The following CGNL1 variants were observed in gnomAD, a reference collection of about 807,000 sequenced individuals.
CGNL1 encodes the protein cingulin-like protein 1.
CGNL1 carries 132 observed loss-of-function variants against 141.2 expected under a neutral mutation model. The observed-to-expected ratio is 0.93, with a 90% CI of 0.81 to 1.08. The LOEUF is 1.08. Ranked by LOEUF, CGNL1 falls within the 50% of genes least tolerant of loss-of-function variation. The probability of loss-of-function intolerance (pLI) is 0.00; values close to 1 mark genes in which losing one functional copy is unlikely to be tolerated. For missense variants in CGNL1, 1,870 were observed against 1,588.6 expected (o/e 1.18, Z -3.01); for synonymous variants, 690 against 622.1 (o/e 1.11, Z -1.63).
rs534734986 is a variant in CGNL1 at position 57,517,620 on chromosome 15, C to T, written c.2610+634C>T. Among the ~76,000 whole-genome samples the T allele has an allele frequency of 4.6e-5, 7 of 152,282 alleles. No individual in the cohort carries two copies. In the South Asian group the frequency reaches 1.2e-3, roughly 27 times the overall value. On this transcript the variant is annotated intron_variant, in intron 9 of 18. Transcript: ENST00000281282. ...GAGAAGTCTAATATTAAGGTGCCAG[C>T]CTCTAGCGAGGGCCGTCCTTCTGTG...
At position 57,411,973 on chromosome 15, in the gene CGNL1, T is replaced by C. The variant is rs2062793622; in HGVS notation, c.-15-26012T>C. On this transcript the variant is annotated intron_variant, in intron 1 of 18. Coordinates refer to ENST00000281282, the MANE Select transcript of CGNL1 (RefSeq NM_032866.5). ...CATCAGCGCTCATATTTTCTGTGTT[T>C]GCTGTCGATTATCTAGCATTCAAAG... Among the ~76,000 whole-genome samples the C allele has an allele frequency of 2.6e-5, 4 of 152,362 alleles. No homozygotes were observed. In the South Asian group the frequency reaches 8.3e-4, roughly 32 times the overall value.
At chr15:57,408,585 TG>T (rs1365202259) in intron 1 of CGNL1, among the ~76,000 whole-genome samples, 4 of 152,048 alleles carry the variant, frequency 2.6e-5, no homozygotes, top group African/African-American at 7.2e-5. Flanking sequence ...TTGCCCAGGC[TG>T]GTCTTAAACT....
intron 1 of CGNL1, among the ~76,000 whole-genome samples, chr15:57,397,718 G>T (rs1230176889): frequency 1.3e-5 from 2 of 151,596 alleles, no homozygotes; most frequent in African/African-American, 2.4e-5. Flanking sequence ...TCTTGATTAT[G>T]TAGTCTTCAT....
At chr15:57,412,863 T>A (rs911534162) in intron 1 of CGNL1, among the ~76,000 whole-genome samples, 12 of 152,094 alleles carry the variant, frequency 7.9e-5, no homozygotes, top group African/African-American at 2.9e-4. Context: ...TATCTCAGTT[T>A]CTTTTTTTTT....
At chr15:57,544,321 G>A in intron 15 of CGNL1, 152 bp from the exon 16 acceptor site, 2 of 857,460 alleles carry the variant, frequency 2.3e-6, no homozygotes, top group Non-Finnish European at 3.5e-6. Flanking sequence ...ACATCTCTGT[G>A]TTCCCCAGGT....
chr15:57,530,673 T>C (rs2131741), intron 13 of CGNL1, among the ~76,000 whole-genome samples: 48,032 of 152,050 alleles, frequency 0.32, 8,848 homozygotes, highest in Middle Eastern at 0.46. Context: ...CAAGTTGGCC[T>C]TAGAGATGCT....
At chr15:57,487,682 A>C (rs1250791151) in intron 8 of CGNL1, among the ~76,000 whole-genome samples, 1 of 152,238 alleles carries the variant, frequency 6.6e-6, no homozygotes, top group Non-Finnish European at 1.5e-5. Flanking sequence ...CTAGCTTTGT[A>C]GATTGTGCTG....
chr15:57,541,747 G>A (rs566827832), intron 14 of CGNL1, among the ~76,000 whole-genome samples: 1 of 152,322 alleles, frequency 6.6e-6, no homozygotes, highest in Admixed American at 6.5e-5. Flanking sequence ...CAGTGCAGGG[G>A]CTCAGCCTGT....
intron 1 of CGNL1, among the ~76,000 whole-genome samples, chr15:57,383,914 C>T (rs1391518130): frequency 6.6e-6 from 1 of 152,140 alleles, no homozygotes; most frequent in Non-Finnish European, 1.5e-5. Context: ...GCTGAGATTA[C>T]AGGCGTGAGC....
chr15:57,443,463 C>A (rs1170688604), intron 4 of CGNL1, among the ~76,000 whole-genome samples: 4 of 152,184 alleles, frequency 2.6e-5, no homozygotes, highest in Non-Finnish European at 5.9e-5. Flanking sequence ...AGGAAGACAC[C>A]TGGAGGCAGG....
At chr15:57,391,377 T>TCTTTAGTGAAGAGTACAGACC (rs1340704936) in intron 1 of CGNL1, among the ~76,000 whole-genome samples, 6 of 152,232 alleles carry the variant, frequency 3.9e-5, no homozygotes, top group Non-Finnish European at 8.8e-5. Context: ...ATGGGCCATT[T>TCTTTAGTGAAGAGTACAGACC]CTTTAGTGAA....
At chr15:57,418,044 A>C (rs1439314325) in intron 1 of CGNL1, among the ~76,000 whole-genome samples, 1 of 152,094 alleles carries the variant, frequency 6.6e-6, no homozygotes, top group African/African-American at 2.4e-5. Flanking sequence ...GTTGTCTGAG[A>C]TGTTGGGGAC....
chr15:57,481,696 AGT>A (rs2063728087), intron 8 of CGNL1, among the ~76,000 whole-genome samples: 1 of 151,654 alleles, frequency 6.6e-6, no homozygotes, highest in African/African-American at 2.4e-5. Flanking sequence ...GATAAATAGG[AGT>A]GTGAATATGT....
chr15:57,491,844 T>A (rs2063868024), intron 8 of CGNL1, among the ~76,000 whole-genome samples: 1 of 152,060 alleles, frequency 6.6e-6, no homozygotes, highest in South Asian at 2.1e-4. Flanking sequence ...CAAATAGTAC[T>A]GGGACCAACT....
chr15:57,407,109 T>C (rs764349916), intron 1 of CGNL1: 1 of 152,208 alleles, frequency 6.6e-6, no homozygotes, highest in Non-Finnish European at 1.5e-5. Context: ...GGAGGTGGGC[T>C]TCCTGAATGG....
At chr15:57,397,945 G>C (rs1343736690) in intron 1 of CGNL1, among the ~76,000 whole-genome samples, 1 of 152,056 alleles carries the variant, frequency 6.6e-6, no homozygotes, top group East Asian at 1.9e-4. Context: ...ACCACACCAT[G>C]CTAATTTTTG....
At chr15:57,442,182 G>GA (rs61564944) in intron 3 of CGNL1, among the ~76,000 whole-genome samples, 191 bp from the exon 4 acceptor site, 1,829 of 96,464 alleles carry the variant, frequency 0.019, 150 homozygotes, top group African/African-American at 0.063. Flanking sequence ...TCATTTATTT[G>GA]AAAAAAAAAA....
chr15:57,430,244 G>C (rs1178936564), intron 1 of CGNL1, among the ~76,000 whole-genome samples: 2 of 152,182 alleles, frequency 1.3e-5, no homozygotes, highest in Non-Finnish European at 2.9e-5. Context: ...TTGGACTTGA[G>C]CCGCATGTCA....
intron 8 of CGNL1, among the ~76,000 whole-genome samples, chr15:57,464,518 T>A (rs2152336353): frequency 6.6e-6 from 1 of 152,250 alleles, no homozygotes; most frequent in South Asian, 2.1e-4. Context: ...TGAAAGTTAG[T>A]TTAGGACAAA....
Sources: allele counts gnomAD v4.1 joint callset (sites outside exome capture counted in the v4.1 genomes callset), GRCh38; gene constraint gnomAD v4.1.1; transcripts MANE v1.5; gene names NCBI Gene and HGNC (gene_info 2026-07-23, HGNC 2026-07-21).